The following E2F3 variants were observed in gnomAD, a reference collection of about 807,000 sequenced individuals.
E2F3 encodes the protein E2F transcription factor 3.
A neutral mutation model predicts 44.4 loss-of-function variants in E2F3; 11 were observed. The ratio of observed to expected loss-of-function variants is 0.25; its 90% confidence interval spans 0.16 to 0.41. E2F3 has a LOEUF of 0.41. E2F3 is among the 10% of genes least tolerant of loss of function. The probability of loss-of-function intolerance (pLI) is 1.00; values close to 1 mark genes in which losing one functional copy is unlikely to be tolerated. For missense variants in E2F3, 487 were observed against 583.6 expected (o/e 0.83, Z 1.70); for synonymous variants, 249 against 253.0 (o/e 0.98, Z 0.15).
chr6:20,470,265 ATTTCCCATTG>A (rs1761846486), intron 1 of E2F3, among the ~76,000 whole-genome samples: 1 of 152,106 alleles, frequency 6.6e-6, no homozygotes. Flanking sequence ...TTCATAATAA[ATTTCCCATTG>A]TTTCCCATTG....
intron 1 of E2F3, among the ~76,000 whole-genome samples, chr6:20,412,298 T>G (rs1759700198): frequency 6.6e-6 from 1 of 152,062 alleles, no homozygotes; most frequent in Admixed American, 6.6e-5. Flanking sequence ...CCAGGGCGCT[T>G]TTTAAAAATA....
chr6:20,452,938 G>A (rs1761179839), intron 1 of E2F3, among the ~76,000 whole-genome samples: 1 of 152,058 alleles, frequency 6.6e-6, no homozygotes, highest in Admixed American at 6.5e-5. Flanking sequence ...TGGTGACAGA[G>A]TGAGACTCCA....
chr6:20,491,926 G>A lies in E2F3; in HGVS notation c.*1496G>A, dbSNP rs1762564300. The A allele has an allele frequency of 5.5e-6, 1 of 182,382 alleles. No homozygotes were observed. The allele number at this position is 182,382 out of a possible 1,614,324, so 11.3% of individuals were successfully genotyped here. On this transcript the variant is annotated 3_prime_UTR_variant, in exon 7 of 7. Transcript: ENST00000346618. The stretch of plus-strand genomic sequence containing the variant: ...AATCCTACCAGTTATGTCCAAGAAT[G>A]GCTTTCCCTCGGGCAGGTGGCAGCG...
intron 5 of E2F3, 66 bp from the exon 6 acceptor site, chr6:20,488,047 A>T: frequency 6.3e-7 from 1 of 1,590,604 alleles, no homozygotes; most frequent in Non-Finnish European, 8.5e-7. Context: ...TTTTTAGACA[A>T]GAATTACTAT....
At chr6:20,415,514 A>G (rs576314065) in intron 1 of E2F3, among the ~76,000 whole-genome samples, 1 of 152,328 alleles carries the variant, frequency 6.6e-6, no homozygotes, top group South Asian at 2.1e-4. Context: ...CTAGTTAACA[A>G]CAATCGAAAT....
At chr6:20,483,008 T>G (rs1762281247) in intron 4 of E2F3, 88 bp downstream of exon 4, 1 of 1,582,814 alleles carries the variant, frequency 6.3e-7, no homozygotes, top group South Asian at 1.1e-5. Context: ...CAAGGTAGAT[T>G]ATTATTCTGA....
rs926518309 is a variant in E2F3, at chr6:20,445,615, G to A, written c.394-34231G>A. Reference sequence around the variant, plus strand: ...GTAATCAGTAGCTTCTTAGAACTGAGGAATTCGTTTTGTCATCACTCTGAA... The same window carrying A: ...GTAATCAGTAGCTTCTTAGAACTGAAGAATTCGTTTTGTCATCACTCTGAA... On this transcript the variant is annotated intron_variant, in intron 1 of 6. Coordinates refer to ENST00000346618, the MANE Select transcript of E2F3 (RefSeq NM_001949.5). 2.0e-5 allele frequency among the ~76,000 whole-genome samples: 3 copies of A among 152,126 alleles called. No homozygotes were observed. The East Asian group carries it at 5.8e-4, about 29-fold the overall frequency.
chr6:20,482,811 C>T lies in E2F3; in HGVS notation c.775C>T (p.Leu259=). The change falls in exon 4 of 7, where the codon CTG becomes TTG. Residue 259 remains leucine, a synonymous_variant. Transcript: ENST00000346618. ...GGGCATGCTGGCCCAGTGTCAAGGCCTGTCAAAAGAAGTGACCGAGCTCAG... is the reference window on the plus strand; with the variant it reads ...GGGCATGCTGGCCCAGTGTCAAGGCTTGTCAAAAGAAGTGACCGAGCTCAG... ...DGGMLAQCQG[L]SKEVTELSQE... 6.2e-7 allele frequency: 1 copy of T among 1,613,258 alleles called. No homozygotes were observed. Among genetic ancestry groups the T allele is most frequent in the Non-Finnish European group, 8.5e-7 (1 of 1,179,694 alleles).
intron 1 of E2F3, among the ~76,000 whole-genome samples, chr6:20,462,242 C>T (rs1280422462): frequency 6.6e-6 from 1 of 152,158 alleles, no homozygotes; most frequent in African/African-American, 2.4e-5. Flanking sequence ...GTTTATACCT[C>T]AGTATGTCTG....
At chr6:20,485,492 A>G (rs1395251226) in intron 4 of E2F3, among the ~76,000 whole-genome samples, 1 of 152,146 alleles carries the variant, frequency 6.6e-6, no homozygotes, top group Non-Finnish European at 1.5e-5. Flanking sequence ...AGGCACGAGA[A>G]TCATTTAACC....
In E2F3 at chr6:20,417,898, CTCTT is replaced by C. The variant is rs1422690338; in HGVS notation, c.393+15277_393+15280del. ...CTGACCATCGGTGGGCATTTCCTCT[CTCTT>C]TCTGTCTACCTACAGCCAAAACAAG... is the stretch of plus-strand genomic sequence containing the variant. On this transcript the variant is annotated intron_variant, in intron 1 of 6. Transcript: ENST00000346618. Among the ~76,000 whole-genome samples the C allele has an allele frequency of 5.3e-5, 8 of 152,210 alleles. No homozygotes were observed. The South Asian group carries it at 1.0e-3, about 20-fold the overall frequency.
intron 1 of E2F3, among the ~76,000 whole-genome samples, chr6:20,414,708 G>C (rs1016538707): frequency 1.3e-5 from 2 of 152,154 alleles, no homozygotes; most frequent in Non-Finnish European, 2.9e-5. Context: ...ATAACATAAA[G>C]TTTCCCACCT....
intron 1 of E2F3, among the ~76,000 whole-genome samples, chr6:20,426,398 C>G (rs1279341777): frequency 6.6e-6 from 1 of 152,180 alleles, no homozygotes; most frequent in Non-Finnish European, 1.5e-5. Context: ...TCAAAGATTT[C>G]TTGTTTTTAC....
intron 1 of E2F3, among the ~76,000 whole-genome samples, chr6:20,438,366 T>A (rs1760662154): frequency 6.6e-6 from 1 of 152,230 alleles, no homozygotes; most frequent in Non-Finnish European, 1.5e-5. Flanking sequence ...TTTTTAACTC[T>A]ATGTTTTCCC....
intron 1 of E2F3, among the ~76,000 whole-genome samples, chr6:20,425,729 G>A (rs1257328282): frequency 6.6e-6 from 1 of 152,144 alleles, no homozygotes; most frequent in East Asian, 1.9e-4. Flanking sequence ...ATGCAACAAC[G>A]TGTCTTAGCT....
intron 1 of E2F3, among the ~76,000 whole-genome samples, chr6:20,447,645 A>T (rs1402797207): frequency 6.6e-6 from 1 of 152,020 alleles, no homozygotes; most frequent in African/African-American, 2.4e-5. Context: ...TGGTGCAGAG[A>T]CTGCTACAAA....
chr6:20,452,268 C>T (rs1217024931), intron 1 of E2F3: 2 of 152,154 alleles, frequency 1.3e-5, no homozygotes, highest in African/African-American at 4.8e-5. Context: ...CTGTTTCTTT[C>T]TGGTTCACTC....
intron 1 of E2F3, among the ~76,000 whole-genome samples, chr6:20,450,263 T>C (rs752630030): frequency 5.3e-5 from 8 of 152,190 alleles, no homozygotes; most frequent in Non-Finnish European, 5.9e-5. Flanking sequence ...AGCCTTTTTT[T>C]TGGCAACCTC....
chr6:20,481,013 T>A (rs1223982229), intron 2 of E2F3, among the ~76,000 whole-genome samples, 193 bp from the exon 3 acceptor site: 1 of 152,162 alleles, frequency 6.6e-6, no homozygotes, highest in African/African-American at 2.4e-5. Context: ...ATTTTTACCT[T>A]CCCTTCCTGC....
Sources: gnomAD v4.1 joint callset for allele counts (sites outside exome capture counted in the v4.1 genomes callset) on GRCh38, gnomAD v4.1.1 for gene constraint, MANE v1.5 for transcripts, NCBI Gene and HGNC (gene_info 2026-07-23, HGNC 2026-07-21) for gene names.